PDE12: variants seen among roughly 807,000 people sequenced by gnomAD.
PDE12 encodes the protein phosphodiesterase 12, also known as 2',5'-phosphodiesterase 12.
In PDE12, 26 loss-of-function variants were observed where a neutral mutation model predicts 45.4. The observed-to-expected ratio is 0.57, with a 90% confidence interval of 0.42 to 0.79. The LOEUF is 0.79. Among genes scored for constraint, PDE12 ranks in the 30% least tolerant of loss-of-function variants. PDE12 has a pLI of 0.00. For missense variants in PDE12, 668 were observed against 790.0 expected, an observed-to-expected ratio of 0.85 and a Z score of 1.85; for synonymous variants, 283 against 323.9, an observed-to-expected ratio of 0.87 and a Z score of 1.36.
chr3:57,629,715 G>T, the PDE12 span, among the ~76,000 whole-genome samples: 5 of 150,756 alleles, frequency 3.3e-5, no homozygotes, highest in Admixed American at 1.3e-4. Context: ...GTAGAGATGG[G>T]GTTTCACCGT....
chr3:57,594,672 T>C, the PDE12 span, among the ~76,000 whole-genome samples: 4 of 152,208 alleles, frequency 2.6e-5, no homozygotes, highest in Middle Eastern at 3.2e-3. Context: ...CTTTATACTT[T>C]AAAATGGTAA....
the PDE12 span, among the ~76,000 whole-genome samples, chr3:57,620,042 TA>T: frequency 6.6e-6 from 1 of 151,438 alleles, no homozygotes; most frequent in African/African-American, 2.4e-5. Context: ...GCCAAGATGG[TA>T]AAACCCCATT....
the PDE12 span, chr3:57,645,570 T>C: frequency 1.1e-5 from 10 of 881,598 alleles, no homozygotes; most frequent in Non-Finnish European, 1.7e-5. Flanking sequence ...TATAAGATCA[T>C]TCTGCCTATA....
At chr3:57,576,381 G>A in the PDE12 span, among the ~76,000 whole-genome samples, 1 of 152,036 alleles carries the variant, frequency 6.6e-6, no homozygotes, top group African/African-American at 2.4e-5. Flanking sequence ...TTCTTTGAGG[G>A]TGATGAAAAT....
the PDE12 span, chr3:57,641,753 A>AAAAAC: frequency 3.8e-5 from 61 of 1,608,692 alleles, no homozygotes; most frequent in Admixed American, 6.8e-5. Context: ...AGGGCCTATA[A>AAAAAC]AAAACAAAAC....
Position 57,559,333 on chromosome 3 carries a change from G to T in PDE12, c.1332G>T (p.Lys444Asn), listed in dbSNP as rs2069701585. 1 of 1,612,596 alleles carries T rather than the reference G, an allele frequency of 6.2e-7. No individual in the cohort carries two copies. Among genetic ancestry groups the T allele is most frequent in the African/African-American group, 1.3e-5 (1 of 74,876 alleles). Residue 444 changes from lysine to asparagine, a missense_variant, in exon 2 of 3, where the codon AAG becomes AAT. Transcript: ENST00000311180. ...VLQVSVLQST[K>N]DSSKRICVAN... ...AGGTTTCAGTTCTTCAGTCTACAAA[G>T]GACTCTTCTAAAAGGATATGTGTTG...
chr3:57,636,080 CTG>C, the PDE12 span, among the ~76,000 whole-genome samples: 1 of 152,098 alleles, frequency 6.6e-6, no homozygotes, highest in African/African-American at 2.4e-5. Context: ...TGTTAATTGA[CTG>C]TTTATGTTAT....
the PDE12 span, among the ~76,000 whole-genome samples, chr3:57,617,572 A>C: frequency 6.6e-6 from 1 of 152,102 alleles, no homozygotes; most frequent in Non-Finnish European, 1.5e-5. Context: ...GCCCATCAAG[A>C]GTGGATAGGG....
chr3:57,598,714 G>C, the PDE12 span, among the ~76,000 whole-genome samples: 2 of 152,278 alleles, frequency 1.3e-5, no homozygotes. Flanking sequence ...CCGGGAGGCG[G>C]AGGTTGCAGT....
chr3:57,579,180 G>A, the PDE12 span, among the ~76,000 whole-genome samples: 1 of 149,828 alleles, frequency 6.7e-6, no homozygotes, highest in Admixed American at 6.7e-5. Context: ...CAGCTACTTG[G>A]CAGGCGGAGG....
the PDE12 span, among the ~76,000 whole-genome samples, chr3:57,644,023 ACCTGTAATCCCAG>A: frequency 0.025 from 3,701 of 145,918 alleles, 70 homozygotes; most frequent in Non-Finnish European, 0.033. Flanking sequence ...GATAGTGTGC[ACCTGTAATCCCAG>A]CTACTTGGGA....
the PDE12 span, chr3:57,598,000 A>G: frequency 6.6e-6 from 1 of 152,232 alleles, no homozygotes; most frequent in Non-Finnish European, 1.5e-5. Flanking sequence ...AATTCTGTCA[A>G]GGCGAGAGCG....
At chr3:57,632,676 C>T in the PDE12 span, among the ~76,000 whole-genome samples, 1 of 152,114 alleles carries the variant, frequency 6.6e-6, no homozygotes, top group African/African-American at 2.4e-5. Flanking sequence ...CTCTATGATG[C>T]AGTTTCCAGA....
At chr3:57,569,307 A>T (rs962098009), downstream of PDE12, among the ~76,000 whole-genome samples, 1 of 152,286 alleles carries the variant, frequency 6.6e-6, no homozygotes, top group East Asian at 1.9e-4. Flanking sequence ...ACAAAGACTG[A>T]AGAAAAAATA....
the PDE12 span, among the ~76,000 whole-genome samples, chr3:57,579,253 C>CAAAAAA: frequency 0.058 from 2,716 of 46,716 alleles, 316 homozygotes; most frequent in South Asian, 0.097. Flanking sequence ...AACTACATCT[C>CAAAAAA]AAAAAAAAAA....
the PDE12 span, among the ~76,000 whole-genome samples, chr3:57,582,265 C>CA: frequency 2.7e-5 from 4 of 150,562 alleles, no homozygotes. Context: ...TTTTTTGAGA[C>CA]AGAGTCTCGC....
At chr3:57,614,546 T>TG in the PDE12 span, among the ~76,000 whole-genome samples, 1 of 47,054 alleles carries the variant, frequency 2.1e-5, no homozygotes, top group Non-Finnish European at 4.0e-5. Flanking sequence ...TGTTTTTTGT[T>TG]TTTTTTTTTT....
the PDE12 span, among the ~76,000 whole-genome samples, chr3:57,623,552 G>A: frequency 7.2e-5 from 11 of 152,092 alleles, no homozygotes; most frequent in East Asian, 3.9e-4. Flanking sequence ...GGTGGCGCAC[G>A]CCTGTAATCC....
Position 57,560,632 on chromosome 3 carries a change from T to C in PDE12, c.*628T>C, listed in dbSNP as rs899392625. On this transcript the variant is annotated 3_prime_UTR_variant, in exon 3 of 3. Transcript: ENST00000311180. ...TGAGCCACCGCACCCGGCCCTTGTG[T>C]ACATTTTTATAAGAGAATTTTTTTA... The C allele has an allele frequency of 1.0e-5, 10 of 985,282 alleles. No homozygotes were observed. Among genetic ancestry groups the C allele is most frequent in the Non-Finnish European group, 1.2e-5 (10 of 829,764 alleles). 61.0% of individuals were successfully genotyped at this position (985,282 alleles called of 1,614,324 possible).
Sources: gnomAD v4.1 joint callset for allele counts (sites outside exome capture counted in the v4.1 genomes callset) on GRCh38, gnomAD v4.1.1 for gene constraint, MANE v1.5 for transcripts, NCBI Gene and HGNC (gene_info 2026-07-23, HGNC 2026-07-21) for gene names.